Variants in ZNF266 observed in about 807,000 individuals in gnomAD.
ZNF266 encodes the protein zinc finger protein 266, also known as zinc finger protein 1.
In ZNF266, 16 loss-of-function variants were observed where a neutral mutation model predicts 16.4. That is an observed-to-expected ratio of 0.98 (90% confidence interval 0.66 to 1.48). The LOEUF is 1.48. ZNF266 is among the 40% of genes most tolerant of loss of function. The pLI, the probability that ZNF266 is intolerant of heterozygous loss-of-function variation, is 0.00. For synonymous variants in ZNF266, 262 were observed against 237.9 expected (o/e 1.10, Z -0.93); for missense variants, 738 against 689.1 (o/e 1.07, Z -0.79).
Position 9,413,778 on chromosome 19 carries a change from T to G in ZNF266, c.1348A>C (p.Lys450Gln). Residue 450 changes from lysine (K) to glutamine (Q), a missense_variant, in exon 11 of 11, where the codon AAG becomes CAG. Lys to Gln is a moderately conservative substitution (Grantham distance 53). Coordinates refer to ENST00000592904, the MANE Select transcript of ZNF266 (RefSeq NM_001370374.1). ...CTGGCAAAGGCCTTTCCACATTCCT[T>G]ACATTCATAGGGCCTCTCTCCACTG... Reference protein sequence around the residue: ...THSGERPYECKECGKAFARSS... With the variant: ...THSGERPYECQECGKAFARSS... 1 of 1,614,172 alleles carries G rather than the reference T, an allele frequency of 6.2e-7. No homozygotes were observed. The highest frequency in any genetic ancestry group is 8.5e-7 in the Non-Finnish European group (1 of 1,180,028).
rs140571143 is a variant in ZNF266, at chr19:9,413,940, A to G, written c.1186T>C (p.Cys396Arg). 1.9e-5 allele frequency: 31 copies of G among 1,614,022 alleles called. No homozygotes were observed. In the South Asian group the frequency reaches 2.3e-4, roughly 12 times the overall value. Residue 396 changes from cysteine (C) to arginine (R), a missense_variant, in exon 11 of 11, where the codon TGT (cysteine) becomes CGT (arginine). Transcript: ENST00000592904. ...GAGGAATTTCTAAAGGATTTTCCAC[A>G]TATCTTACATTCAAAGGGATCCTTT... ...TAKDPFECKI[C>R]GKSFRNSSCL...
chr19:9,414,087 A>T lies in ZNF266; in HGVS notation c.1039T>A (p.Ser347Thr). 1 of 1,613,672 alleles carries T rather than the reference A, an allele frequency of 6.2e-7. No homozygotes were observed. Among genetic ancestry groups the T allele is most frequent in the Non-Finnish European group, 8.5e-7 (1 of 1,179,926 alleles). The change falls in exon 11 of 11, where the codon TCC becomes ACC. Residue 347 changes from serine to threonine, a missense_variant. Physicochemically the swap from Ser to Thr is moderately conservative, Grantham distance 58. Transcript: ENST00000592904. ...CKDCGRAFTV[S>T]SCLSQHMKIH... is the part of the protein sequence containing the mutation. ...TTCATATGTTGACTTAAGCAAGAGGAAACAGTGAAGGCTCTCCCACAATCC... is the reference window on the plus strand; with the variant it reads ...TTCATATGTTGACTTAAGCAAGAGGTAACAGTGAAGGCTCTCCCACAATCC...
At chr19:9,427,159 G>C (rs1275269643) in intron 5 of ZNF266, among the ~76,000 whole-genome samples, 1 of 152,028 alleles carries the variant, frequency 6.6e-6, no homozygotes, top group Non-Finnish European at 1.5e-5. Flanking sequence ...TCTTGAATCT[G>C]AAAAAGAAAA....
intron 5 of ZNF266, among the ~76,000 whole-genome samples, chr19:9,424,812 G>A (rs189739925): frequency 6.6e-6 from 1 of 152,196 alleles, no homozygotes; most frequent in Non-Finnish European, 1.5e-5. Context: ...ACAAAGGACT[G>A]TTTGAACTGC....
Position 9,412,567 on chromosome 19 carries a change from G to A in ZNF266, c.*708C>T, listed in dbSNP as rs1474920580. ...AGTTCCTCACAGTATTAGTTTCCTA[G>A]GGTTGCTGTACAAAATAACAGACTG... On this transcript the variant is annotated 3_prime_UTR_variant, in exon 11 of 11. Coordinates refer to ENST00000592904, the MANE Select transcript of ZNF266 (RefSeq NM_001370374.1). 2.6e-5 allele frequency: 4 copies of A among 152,198 alleles called. No individual in the cohort carries two copies. The highest frequency in any genetic ancestry group is 2.0e-4 in the Admixed American group (3 of 15,272). The allele number at this position is 152,198 out of a possible 1,614,324, so 9.4% of individuals were successfully genotyped here.
At chr19:9,420,388 T>C (rs1182013272) in intron 5 of ZNF266, 170 bp from the exon 6 acceptor site, 1 of 152,162 alleles carries the variant, frequency 6.6e-6, no homozygotes, top group African/African-American at 2.4e-5. Flanking sequence ...GAAGTCACAC[T>C]AGCAGCTTTA....
intron 5 of ZNF266, among the ~76,000 whole-genome samples, chr19:9,425,188 C>G (rs1297743579): frequency 6.6e-6 from 1 of 152,128 alleles, no homozygotes; most frequent in African/African-American, 2.4e-5. Flanking sequence ...AATCCACAAC[C>G]CCCAAAGGAA....
Position 9,417,861 on chromosome 19 carries a change from C to A in ZNF266, c.283G>T (p.Glu95Ter). The change falls in exon 9 of 11, where the codon GAG becomes TAG. Residue 95 changes from glutamate to a stop codon, truncating the protein, a stop_gained. Transcript: ENST00000592904. LOFTEE classifies it high-confidence loss of function. ...PSLISWLEQEESRTVQRGDFQ... is the reference protein window; with the variant it reads ...PSLISWLEQE ...TCACCTCTCTGCACTGTCCTAGACT[C>A]TTCTTGTTCCAGCCAAGAGATCAGA... 6.2e-7 allele frequency: 1 copy of A among 1,614,112 alleles called. No individual in the cohort carries two copies. The highest frequency in any genetic ancestry group is 8.5e-7 in the Non-Finnish European group (1 of 1,179,986).
chr19:9,413,119 C>T lies in ZNF266; in HGVS notation c.*156G>A. On this transcript the variant is annotated 3_prime_UTR_variant, in exon 11 of 11. Transcript: ENST00000592904. ...ATTCAGCAAAGTCATTTCCACATTC[C>T]CTGATGCAGGGTCTTCTCCACTGTG... The T allele has an allele frequency of 1.1e-6, 1 of 878,410 alleles. No homozygotes were observed. Among genetic ancestry groups the T allele is most frequent in the Non-Finnish European group, 1.7e-6 (1 of 599,430 alleles). The allele number at this position is 878,410 out of a possible 1,614,324, so 54.4% of individuals were successfully genotyped here.
rs2068528227 is a variant in ZNF266, at chr19:9,413,544, T to C, written c.1582A>G (p.Lys528Glu). 7 of 1,613,342 alleles carry C rather than the reference T, an allele frequency of 4.3e-6. No individual in the cohort carries two copies. The highest frequency in any genetic ancestry group is 5.9e-6 in the Non-Finnish European group (7 of 1,179,362). Residue 528 changes from lysine to glutamate, a missense_variant, in exon 11 of 11, where the codon AAA becomes GAA. Lys to Glu is a moderately conservative substitution (Grantham distance 56). Transcript: ENST00000592904. ...CATTCCATACACGTGAATGGTTTTT[T>C]GGCGCTGTGGGTCCGCATGTGATTA... ...LNNHMRTHSA[K>E]KPFTCMECGK...
Position 9,413,257 on chromosome 19 carries a change from T to C in ZNF266, c.*18A>G, listed in dbSNP as rs1324013852. On this transcript the variant is annotated 3_prime_UTR_variant, in exon 11 of 11. Transcript: ENST00000592904. ...TCTTCAGAGAGAACAGGGACACCTT[T>C]AGGTTTTCCCACATTCCTTATGCTG... is the stretch of plus-strand genomic sequence containing the variant. 18 of 1,553,466 alleles carry C rather than the reference T, an allele frequency of 1.2e-5. No homozygotes were observed. The highest frequency in any genetic ancestry group is 1.6e-5 in the Non-Finnish European group (18 of 1,152,006).
At chr19:9,426,540 GAAAA>G (rs898371650) in intron 5 of ZNF266, among the ~76,000 whole-genome samples, 12 of 139,090 alleles carry the variant, frequency 8.6e-5, no homozygotes, top group African/African-American at 3.2e-4. Flanking sequence ...ACAAGTTCAA[GAAAA>G]AAAAAAAGAG....
At chr19:9,430,201 T>C (rs2071383957) in intron 5 of ZNF266, among the ~76,000 whole-genome samples, 1 of 152,166 alleles carries the variant, frequency 6.6e-6, no homozygotes, top group Non-Finnish European at 1.5e-5. Context: ...ACATGTAGTA[T>C]AGATAAATGT....
chr19:9,413,806 A>G lies in ZNF266; in HGVS notation c.1320T>C (p.Thr440=). The G allele has an allele frequency of 6.2e-7, 1 of 1,614,014 alleles. No homozygotes were observed. Among genetic ancestry groups the G allele is most frequent in the Non-Finnish European group, 8.5e-7 (1 of 1,179,976 alleles). ...QNSDLTKHAR[T]HSGERPYECK... ...ATTCATAGGGCCTCTCTCCACTGTG[A>G]GTTCGTGCATGCTTAGTAAGGTCTG... The change falls in exon 11 of 11, where the codon ACT becomes ACC. Residue 440 remains threonine, a synonymous_variant. Coordinates refer to ENST00000592904, the MANE Select transcript of ZNF266 (RefSeq NM_001370374.1).
chr19:9,428,733 A>AC (rs1491378070), intron 5 of ZNF266, among the ~76,000 whole-genome samples: 106 of 150,402 alleles, frequency 7.0e-4, no homozygotes, highest in Middle Eastern at 3.4e-3. Context: ...AAAAAAAAAA[A>AC]CCCTGGGAAT....
intron 5 of ZNF266, among the ~76,000 whole-genome samples, chr19:9,422,478 C>T (rs2070071895): frequency 6.6e-6 from 1 of 152,198 alleles, no homozygotes; most frequent in Non-Finnish European, 1.5e-5. Context: ...GACAGGAATA[C>T]TGTCTCTTTC....
rs777183161 is a variant in ZNF266, at chr19:9,413,624, T to C, written c.1502A>G (p.Lys501Arg). 11 of 1,614,014 alleles carry C rather than the reference T, an allele frequency of 6.8e-6. No individual in the cohort carries two copies. The Admixed American group carries it at 1.7e-4, about 24-fold the overall frequency. ...ACCACATTCCAGGCACTCAAAGGGC[T>C]TCTCTCCAGTGTGAATTCTCAAATG... Reference protein sequence around the residue: ...SGHLRIHTGEKPFECLECGKA... With the variant: ...SGHLRIHTGERPFECLECGKA... Residue 501 changes from lysine (K) to arginine (R), a missense_variant, in exon 11 of 11, where the codon AAG (lysine) becomes AGG (arginine). Coordinates refer to ENST00000592904, the MANE Select transcript of ZNF266 (RefSeq NM_001370374.1).
intron 5 of ZNF266, among the ~76,000 whole-genome samples, chr19:9,425,604 C>T (rs2070627061): frequency 6.6e-6 from 1 of 152,220 alleles, no homozygotes; most frequent in South Asian, 2.1e-4. Context: ...CTGGCCCACT[C>T]ACATGGCTGA....
chr19:9,431,326 C>T (rs1354010765), intron 5 of ZNF266, among the ~76,000 whole-genome samples: 1 of 152,202 alleles, frequency 6.6e-6, no homozygotes, highest in Admixed American at 6.5e-5. Flanking sequence ...ATATGGACGC[C>T]ACATGCTCAA....
Sources: allele counts gnomAD v4.1 joint callset (sites outside exome capture counted in the v4.1 genomes callset), GRCh38; gene constraint gnomAD v4.1.1; transcripts MANE v1.5; gene names NCBI Gene and HGNC (gene_info 2026-07-23, HGNC 2026-07-21).